CACNB2: variants seen among roughly 807,000 people sequenced by gnomAD.
The protein encoded by CACNB2 is voltage-dependent L-type calcium channel subunit beta-2.
In CACNB2, 42 loss-of-function variants were observed where a neutral mutation model predicts 73.3. The observed-to-expected ratio is 0.57, with a 90% CI of 0.45 to 0.74. The LOEUF (loss-of-function observed/expected upper bound fraction) is 0.74. Among genes scored for constraint, CACNB2 ranks in the 30% least tolerant of loss-of-function variants. The probability of loss-of-function intolerance (pLI) is 0.00; values close to 1 mark genes in which losing one functional copy is unlikely to be tolerated. For missense variants in CACNB2, 940 were observed against 853.0 expected (o/e 1.10, Z -1.27); for synonymous variants, 348 against 310.3 (o/e 1.12, Z -1.28).
At chr10:18,199,969 GTGTGTGTGTGTGTGTC>G (rs934051819) in intron 2 of CACNB2, among the ~76,000 whole-genome samples, 17 of 150,338 alleles carry the variant, frequency 1.1e-4, no homozygotes, top group African/African-American at 4.0e-4. Flanking sequence ...GTGTGTGTGT[GTGTGTGTGTGTGTGTC>G]TGTATTGTTG....
intron 2 of CACNB2, among the ~76,000 whole-genome samples, chr10:18,325,805 C>T (rs1376298998): frequency 6.6e-6 from 1 of 151,134 alleles, no homozygotes; most frequent in African/African-American, 2.4e-5. Flanking sequence ...AGTATAGTGG[C>T]ATAATCTCAG....
intron 2 of CACNB2, among the ~76,000 whole-genome samples, chr10:18,210,116 C>A (rs73595533): frequency 0.21 from 32,102 of 152,146 alleles, 5,421 homozygotes; most frequent in African/African-American, 0.47. Context: ...TCTTCCTAGC[C>A]ATGCCACATT....
At chr10:18,382,744 A>G (rs1369610733) in intron 2 of CACNB2, among the ~76,000 whole-genome samples, 2 of 152,140 alleles carry the variant, frequency 1.3e-5, no homozygotes, top group Non-Finnish European at 2.9e-5. Flanking sequence ...GATGCATAGC[A>G]TTTCATGATG....
chr10:18,432,297 G>T (rs113960835), intron 3 of CACNB2, among the ~76,000 whole-genome samples: 22 of 152,134 alleles, frequency 1.4e-4, no homozygotes, highest in Admixed American at 6.5e-4. Context: ...TCACCCAAAA[G>T]CTTCTTCACA....
intron 12 of CACNB2, 52 bp downstream of exon 12, chr10:18,536,248 T>C (rs12767496): frequency 0.049 from 22,507 of 461,584 alleles, 210 homozygotes; most frequent in Admixed American, 0.13. Flanking sequence ...CAGACCTTTT[T>C]TTTTTTTTTT....
At chr10:18,381,142 A>G (rs545168529) in intron 2 of CACNB2, among the ~76,000 whole-genome samples, 33 of 151,406 alleles carry the variant, frequency 2.2e-4, no homozygotes, top group African/African-American at 7.5e-4. Flanking sequence ...GGGAAATTCT[A>G]CTGCTGGCTG....
chr10:18,405,291 C>T (rs537124870), intron 3 of CACNB2, among the ~76,000 whole-genome samples: 18 of 152,268 alleles, frequency 1.2e-4, no homozygotes, highest in African/African-American at 1.4e-4. Context: ...TGTCCCCATG[C>T]GTAGAACCAC....
intron 4 of CACNB2, 46 bp downstream of exon 4, chr10:18,498,523 G>C: frequency 6.3e-7 from 1 of 1,598,142 alleles, no homozygotes; most frequent in Non-Finnish European, 8.6e-7. Flanking sequence ...GTTTCACCTT[G>C]ACATACCATT....
chr10:18,284,330 G>C (rs1033456758), intron 2 of CACNB2, among the ~76,000 whole-genome samples: 1 of 152,162 alleles, frequency 6.6e-6, no homozygotes, highest in South Asian at 2.1e-4. Flanking sequence ...CTCCTACCAG[G>C]TCCCTCCCAC....
chr10:18,387,127 G>C lies in CACNB2; in HGVS notation c.214-14797G>C, dbSNP rs963065406. Among the ~76,000 whole-genome samples the C allele has an allele frequency of 3.9e-5, 6 of 152,288 alleles. No individual in the cohort carries two copies. The East Asian group carries it at 1.2e-3, about 29-fold the overall frequency. On this transcript the variant is annotated intron_variant, in intron 2 of 13. Coordinates refer to ENST00000324631, the MANE Select transcript of CACNB2 (RefSeq NM_201596.3). ...TTGGTCACTAAGCTCTTGCTCCTTA[G>C]AAACTCGAAGATCCTCCACCCCTTC...
intron 3 of CACNB2, among the ~76,000 whole-genome samples, chr10:18,446,256 T>C (rs1009280489): frequency 7.2e-5 from 11 of 152,192 alleles, no homozygotes; most frequent in Non-Finnish European, 1.3e-4. Context: ...AGAAAGGACC[T>C]GAAATGGTAT....
Position 18,527,618 on chromosome 10 carries a change from C to G in CACNB2, c.975C>G (p.Ile325Met), listed in dbSNP as rs1231445300. 6.2e-7 allele frequency: 1 copy of G among 1,613,870 alleles called. No individual in the cohort carries two copies. The highest frequency in any genetic ancestry group is 1.1e-5 in the South Asian group (1 of 91,080). ...CCATCACAAGGGTCACCGCTGACAT[C>G]TCGCTTGCCAAACGCTCGGTATTAA... Reference protein sequence around the residue: ...RISITRVTADISLAKRSVLNN... With the variant: ...RISITRVTADMSLAKRSVLNN... Residue 325 changes from isoleucine to methionine, a missense_variant, in exon 10 of 14, where the codon ATC becomes ATG. Physicochemically the swap from Ile to Met is conservative, Grantham distance 10. Coordinates refer to ENST00000324631, the MANE Select transcript of CACNB2 (RefSeq NM_201596.3).
chr10:18,267,010 G>A (rs1257654942), intron 2 of CACNB2, among the ~76,000 whole-genome samples: 1 of 152,110 alleles, frequency 6.6e-6, no homozygotes, highest in African/African-American at 2.4e-5. Flanking sequence ...GTGTGTGTGT[G>A]TATATATGTG....
intron 3 of CACNB2, among the ~76,000 whole-genome samples, chr10:18,491,599 C>T (rs11014491): frequency 6.6e-6 from 1 of 152,032 alleles, no homozygotes; most frequent in Non-Finnish European, 1.5e-5. Flanking sequence ...GAAAAACAAT[C>T]TGGTAGGCTT....
intron 2 of CACNB2, among the ~76,000 whole-genome samples, chr10:18,227,296 T>C (rs547285712): frequency 6.6e-6 from 1 of 150,740 alleles, no homozygotes; most frequent in East Asian, 2.0e-4. Context: ...AAGCGCAGAT[T>C]TGGGGCCCCT....
chr10:18,450,168 G>A (rs574920847), intron 3 of CACNB2, among the ~76,000 whole-genome samples: 4 of 152,174 alleles, frequency 2.6e-5, no homozygotes, highest in Admixed American at 2.0e-4. Flanking sequence ...AAGAATAAAC[G>A]GTAGGTAAAA....
At chr10:18,220,222 TATATATATATAGAGAGAGAGAGAG>T (rs1326855324) in intron 2 of CACNB2, among the ~76,000 whole-genome samples, 2 of 48,254 alleles carry the variant, frequency 4.1e-5, no homozygotes, top group East Asian at 1.6e-3. Context: ...TATATATATA[TATATATATATAGAGAGAGAGAGAG>T]AGAGAGAGAG....
chr10:18,519,267 C>T (rs1360386199), intron 9 of CACNB2, among the ~76,000 whole-genome samples: 5 of 152,260 alleles, frequency 3.3e-5, no homozygotes, highest in South Asian at 2.1e-4. Flanking sequence ...GCCCAGGCAT[C>T]GCACTAAATA....
intron 2 of CACNB2, among the ~76,000 whole-genome samples, chr10:18,300,020 C>CTTT: frequency 6.8e-6 from 1 of 146,802 alleles, no homozygotes; most frequent in Non-Finnish European, 1.5e-5. Flanking sequence ...TGTTGCATTT[C>CTTT]TTTTTTTTTT....
Sources: allele counts gnomAD v4.1 joint callset (sites outside exome capture counted in the v4.1 genomes callset), GRCh38; gene constraint gnomAD v4.1.1; transcripts MANE v1.5; gene names NCBI Gene and HGNC (gene_info 2026-07-23, HGNC 2026-07-21).